TMEM175: variants seen among roughly 807,000 people sequenced by gnomAD.
TMEM175 encodes the protein endosomal/lysosomal proton channel TMEM175.
A neutral mutation model predicts 36.5 loss-of-function variants in TMEM175; 36 were observed. That is an observed-to-expected ratio of 0.99 (90% CI 0.76 to 1.30). TMEM175 has a LOEUF of 1.30. TMEM175 is among the 50% of genes most tolerant of loss of function. The pLI is 0.00. For missense variants in TMEM175, 705 were observed against 692.8 expected (o/e 1.02, Z -0.20); for synonymous variants, 339 against 313.4 (o/e 1.08, Z -0.86).
chr4:956,373 G>GC (rs1367461400), intron 10 of TMEM175: 1 of 1,290,722 alleles, frequency 7.7e-7, no homozygotes, highest in South Asian at 1.2e-5. Flanking sequence ...CTCCTCCGCG[G>GC]CCTCATCTGC....
intron 10 of TMEM175, chr4:956,284 G>T: frequency 7.9e-7 from 1 of 1,272,604 alleles, no homozygotes; most frequent in Non-Finnish European, 1.0e-6. Flanking sequence ...CATTCCCTCC[G>T]GCTCCCTCCC....
At chr4:955,622 G>T in intron 9 of TMEM175, 133 bp from the exon 10 acceptor site, 1 of 1,463,594 alleles carries the variant, frequency 6.8e-7, no homozygotes. Context: ...CCGCCCCTCG[G>T]GCGTCCCTGT....
chr4:945,325 G>A (rs6599389), intron 1 of TMEM175, among the ~76,000 whole-genome samples: 9,205 of 151,922 alleles, frequency 0.061, 518 homozygotes, highest in East Asian at 0.29. Flanking sequence ...ACTCCCCGCC[G>A]TTTGTTGCTG....
rs1268897567 is a variant in TMEM175 at position 932,499 on chromosome 4, G to A, written c.-73G>A. On this transcript the variant is annotated 5_prime_UTR_variant, in exon 1 of 11. Coordinates refer to ENST00000264771, the MANE Select transcript of TMEM175 (RefSeq NM_032326.4). The surrounding 1 kb of genome is among the most constrained non-coding windows in gnomAD (Gnocchi z 4.0). ...CAAGCTCCCGGCCGGGCTGACTCAA[G>A]CGGAGGCGCGCGGAACAGTCGCCGA... 1.1e-5 allele frequency: 5 copies of A among 468,426 alleles called. No homozygotes were observed. The highest frequency in any genetic ancestry group is 6.1e-5 in the African/African-American group (3 of 48,782). 29.0% of individuals were successfully genotyped at this position (468,426 alleles called of 1,614,324 possible). A position where few individuals can be genotyped will look rare whatever the true frequency, so the allele number is the denominator to read the frequency against.
At chr4:935,155 AT>A (rs1726652675) in intron 1 of TMEM175, among the ~76,000 whole-genome samples, 1 of 152,230 alleles carries the variant, frequency 6.6e-6, no homozygotes, top group East Asian at 1.9e-4. Context: ...TCAGCTGGAC[AT>A]TTCTAAACCT....
intron 1 of TMEM175, among the ~76,000 whole-genome samples, chr4:947,470 C>G (rs17165170): frequency 0.036 from 5,537 of 152,308 alleles, 182 homozygotes; most frequent in East Asian, 0.16. Context: ...CCCAGTCCAC[C>G]CAGATCAGTG....
At chr4:956,756 G>C (rs937125555) in intron 10 of TMEM175, 1 of 318,624 alleles carries the variant, frequency 3.1e-6, no homozygotes, top group African/African-American at 2.2e-5. Context: ...CGTAATGTTT[G>C]AATTTGCTTT....
chr4:934,346 T>C (rs1726559345), intron 1 of TMEM175, among the ~76,000 whole-genome samples: 1 of 151,888 alleles, frequency 6.6e-6, no homozygotes, highest in African/African-American at 2.4e-5. Flanking sequence ...ACCAAGAGAG[T>C]GTCGTAACAG....
At chr4:948,207 C>A (rs2153000785) in intron 3 of TMEM175, 53 bp downstream of exon 3, 1 of 1,613,810 alleles carries the variant, frequency 6.2e-7, no homozygotes, top group Non-Finnish European at 8.5e-7. Context: ...GATATAGGGT[C>A]CCCGAGGCTC....
intron 1 of TMEM175, among the ~76,000 whole-genome samples, chr4:944,413 T>C (rs988446210): frequency 1.8e-4 from 28 of 152,222 alleles, no homozygotes; most frequent in Non-Finnish European, 3.2e-4. Flanking sequence ...TAGAACAGTT[T>C]GCTGGATTGT....
Position 957,958 on chromosome 4 carries a change from C to G in TMEM175, c.977C>G (p.Ala326Gly), listed in dbSNP as rs148627215. ...SFATVGLLWF[A>G]HHSLFLHVRK... ...GCCACAGTGGGACTGCTGTGGTTCGCCCACCACTCACTCTTCCTGCATGTG... is the reference window on the plus strand; with the variant it reads ...GCCACAGTGGGACTGCTGTGGTTCGGCCACCACTCACTCTTCCTGCATGTG... The change falls in exon 11 of 11, where the codon GCC becomes GGC. Residue 326 changes from alanine (A) to glycine (G), a missense_variant. By Grantham distance (60) the Ala-to-Gly change is moderately conservative (BLOSUM62 0). Coordinates refer to ENST00000264771, the MANE Select transcript of TMEM175 (RefSeq NM_032326.4). 1.0e-4 allele frequency: 167 copies of G among 1,612,870 alleles called. No homozygotes were observed. In the African/African-American group the frequency reaches 1.7e-3, roughly 17 times the overall value.
At chr4:948,516 C>G in intron 3 of TMEM175, 1 of 1,394,054 alleles carries the variant, frequency 7.2e-7, no homozygotes, top group Non-Finnish European at 9.5e-7. Flanking sequence ...GGCAGCTGCC[C>G]CAGCAGGCAG....
rs543541405 is a variant in TMEM175, at chr4:950,605, G to A, written c.290+87G>A. 3.4e-5 allele frequency: 35 copies of A among 1,028,134 alleles called. No homozygotes were observed. The East Asian group carries it at 4.5e-4, about 13-fold the overall frequency. The allele number at this position is 1,028,134 out of a possible 1,614,324, so 63.7% of individuals were successfully genotyped here. ...ACATCACGCACGGGTCCATGGGGTC[G>A]GGGAGGACAGCAGGCTACTCCTCCC... On this transcript the variant is annotated intron_variant, in intron 4 of 10. Coordinates refer to ENST00000264771, the MANE Select transcript of TMEM175 (RefSeq NM_032326.4).
chr4:953,131 T>C (rs1242682543), intron 7 of TMEM175, 59 bp from the exon 8 acceptor site: 21 of 1,525,868 alleles, frequency 1.4e-5, no homozygotes, highest in Non-Finnish European at 1.6e-5. Flanking sequence ...GGGGGTTGAC[T>C]GCTGTGGGGG....
In TMEM175 at chr4:958,615, A is replaced by G; in HGVS notation, c.*119A>G. On this transcript the variant is annotated 3_prime_UTR_variant, in exon 11 of 11. Transcript: ENST00000264771. ...AGTGGTTCTTGCGTGGCCTGGTTTT[A>G]TTTTCATTGTGAAATATCATGCTCT... 2 of 787,890 alleles carry G rather than the reference A, an allele frequency of 2.5e-6. No homozygotes were observed. The highest frequency in any genetic ancestry group is 3.9e-6 in the Non-Finnish European group (2 of 514,360). The allele number at this position is 787,890 out of a possible 1,614,324, so 48.8% of individuals were successfully genotyped here.
chr4:951,339 G>A (rs1728864802), intron 5 of TMEM175, 81 bp downstream of exon 5: 19 of 1,509,932 alleles, frequency 1.3e-5, no homozygotes, highest in Middle Eastern at 3.4e-4. Context: ...GGGAGCAGCC[G>A]GCCTCTCTCG....
intron 3 of TMEM175, chr4:948,680 C>T (rs1728495429): frequency 5.8e-6 from 7 of 1,208,240 alleles, no homozygotes; most frequent in African/African-American, 1.6e-5. Context: ...AAGAGCCAAA[C>T]AGCATCTTAG....
Position 952,544 on chromosome 4 carries a change from G to A in TMEM175, c.462+94G>A, listed in dbSNP as rs1436140078. ...ATCACCATCGGGGTCGTGCAGGTAG[G>A]GGGCCCAGGGGGCCTGCACTGTGTG... On this transcript the variant is annotated intron_variant, in intron 7 of 10. Transcript: ENST00000264771. 9.9e-6 allele frequency: 12 copies of A among 1,211,574 alleles called. No individual in the cohort carries two copies. In the African/African-American group the frequency reaches 1.6e-4, roughly 16 times the overall value. 75.1% of individuals were successfully genotyped at this position (1,211,574 alleles called of 1,614,324 possible).
At chr4:934,659 A>G (rs1055046611) in intron 1 of TMEM175, among the ~76,000 whole-genome samples, 1 of 152,232 alleles carries the variant, frequency 6.6e-6, no homozygotes, top group Non-Finnish European at 1.5e-5. Context: ...AGGGAGCTAC[A>G]AGGGTGATGT....
Sources: allele counts gnomAD v4.1 joint callset (sites outside exome capture counted in the v4.1 genomes callset), GRCh38; gene constraint gnomAD v4.1.1; non-coding constraint Gnocchi (gnomAD v3.1); transcripts MANE v1.5; gene names NCBI Gene and HGNC (gene_info 2026-07-23, HGNC 2026-07-21).